Variants in LRP2 observed in about 807,000 individuals in gnomAD.
LRP2 encodes the protein low-density lipoprotein receptor-related protein 2.
LRP2 carries 172 observed loss-of-function variants against 531.0 expected under a neutral mutation model. That is an observed-to-expected ratio of 0.32 (90% confidence interval 0.29 to 0.37). The LOEUF is 0.37. Among genes scored for constraint, LRP2 ranks in the 10% least tolerant of loss-of-function variants. LRP2 has a pLI of 1.00. For synonymous variants in LRP2, 1,992 were observed against 2,027.6 expected (o/e 0.98, Z 0.47); for missense variants, 5,167 against 5,868.3 (o/e 0.88, Z 3.90).
intron 75 of LRP2, among the ~76,000 whole-genome samples, 156 bp from the exon 76 acceptor site, chr2:169,137,649 CAAAAAAA>C (rs1160173051): frequency 1.1e-4 from 5 of 45,490 alleles, no homozygotes; most frequent in Non-Finnish European, 1.6e-4. Context: ...AGAGAACTTG[CAAAAAAA>C]AAAAAAAAAA....
chr2:169,247,605 T>G, intron 19 of LRP2, 90 bp from the exon 20 acceptor site: 1 of 1,380,598 alleles, frequency 7.2e-7, no homozygotes, highest in Non-Finnish European at 1.0e-6. Context: ...TTGAAATGCT[T>G]CTTGCAAGTA....
At chr2:169,205,998 T>C in intron 40 of LRP2, 25 bp downstream of exon 40, 1 of 1,614,094 alleles carries the variant, frequency 6.2e-7, no homozygotes, top group Non-Finnish European at 8.5e-7. Flanking sequence ...CAGACAGAAA[T>C]ATAACAAGGA....
chr2:169,139,505 T>A, intron 73 of LRP2, 38 bp downstream of exon 73: 2 of 1,611,794 alleles, frequency 1.2e-6, no homozygotes, highest in Non-Finnish European at 1.7e-6. Flanking sequence ...GTAGGGGCCA[T>A]GAGTAATTTC....
intron 1 of LRP2, among the ~76,000 whole-genome samples, chr2:169,338,988 G>A (rs1685493538): frequency 6.6e-6 from 1 of 152,104 alleles, no homozygotes; most frequent in African/African-American, 2.4e-5. Context: ...GTAGAGTGAG[G>A]ATTATGGGTC....
chr2:169,145,061 ATGTCT>A (rs1336557132), intron 70 of LRP2, among the ~76,000 whole-genome samples: 2 of 152,358 alleles, frequency 1.3e-5, no homozygotes, highest in East Asian at 3.9e-4. Flanking sequence ...TGAGAATAAA[ATGTCT>A]TTATAAGGTT....
Position 169,151,173 on chromosome 2 carries a change from G to A in LRP2, c.12462-147C>T, listed in dbSNP as rs17848195. ...CAGACCATAGTCCCCCTCTCTTGGG[G>A]GAACTACAGCCAAGGGGACATGTTT... is the stretch of plus-strand genomic sequence containing the variant. On this transcript the variant is annotated intron_variant, in intron 67 of 78. Transcript: ENST00000649046. 0.034 allele frequency: 29,136 copies of A among 868,730 alleles called. 1,465 individuals are homozygous for A. The highest frequency in any genetic ancestry group is 0.19 in the African/African-American group (11,251 of 60,446). 53.8% of individuals were successfully genotyped at this position (868,730 alleles called of 1,614,324 possible). A position where few individuals can be genotyped will look rare whatever the true frequency, so the allele number is the denominator to read the frequency against.
At chr2:169,331,582 A>G (rs2105539404) in intron 1 of LRP2, among the ~76,000 whole-genome samples, 1 of 152,304 alleles carries the variant, frequency 6.6e-6, no homozygotes, top group South Asian at 2.1e-4. Context: ...CCCACTAGAG[A>G]CTAACTGGTT....
In LRP2 at chr2:169,256,091, T is replaced by C. The variant is rs780616395; in HGVS notation, c.2770+15A>G. The C allele has an allele frequency of 1.2e-6, 2 of 1,612,258 alleles. No homozygotes were observed. The highest frequency in any genetic ancestry group is 1.7e-6 in the Non-Finnish European group (2 of 1,178,680). On this transcript the variant is annotated intron_variant, in intron 19 of 78. Coordinates refer to ENST00000649046, the MANE Select transcript of LRP2 (RefSeq NM_004525.3). ...GTATAAAAACAATACATACTTTTAT[T>C]GCTTTAAAACATACCTCCAAAGATG...
chr2:169,336,745 T>G (rs556437884), intron 1 of LRP2, among the ~76,000 whole-genome samples: 1 of 152,188 alleles, frequency 6.6e-6, no homozygotes, highest in Non-Finnish European at 1.5e-5. Context: ...CTTTGTATTC[T>G]TAAGGCAGAA....
chr2:169,309,392 A>G (rs1283211232), intron 3 of LRP2, among the ~76,000 whole-genome samples: 1 of 152,270 alleles, frequency 6.6e-6, no homozygotes, highest in African/African-American at 2.4e-5. Context: ...TCTTGAATTA[A>G]TTTTTGTATA....
At chr2:169,223,752 A>G (rs899731176) in intron 33 of LRP2, among the ~76,000 whole-genome samples, 1 of 152,196 alleles carries the variant, frequency 6.6e-6, no homozygotes, top group African/African-American at 2.4e-5. Context: ...TTTGAACCAG[A>G]GGAGCCTCCA....
At chr2:169,175,101 A>T in intron 55 of LRP2, 92 bp downstream of exon 55, 1 of 1,258,530 alleles carries the variant, frequency 7.9e-7, no homozygotes, top group Non-Finnish European at 1.2e-6. Context: ...ACTGGTTTTT[A>T]GTTCATGATA....
chr2:169,214,286 A>G (rs1688701901), intron 35 of LRP2, among the ~76,000 whole-genome samples: 1 of 152,180 alleles, frequency 6.6e-6, no homozygotes, highest in Non-Finnish European at 1.5e-5. Context: ...TATGCCCCCA[A>G]ACAACCACAG....
At chr2:169,357,062 T>A (rs1249801635) in intron 1 of LRP2, among the ~76,000 whole-genome samples, 1 of 152,104 alleles carries the variant, frequency 6.6e-6, no homozygotes, top group East Asian at 1.9e-4. Flanking sequence ...TAAAAATTTT[T>A]AATTACTCAA....
intron 1 of LRP2, among the ~76,000 whole-genome samples, chr2:169,353,671 T>G (rs1015524807): frequency 1.3e-5 from 2 of 152,172 alleles, no homozygotes; most frequent in Non-Finnish European, 2.9e-5. Context: ...CATTCTTAAA[T>G]TCAACTTTAA....
At chr2:169,161,912 A>G (rs1158418185) in intron 63 of LRP2, among the ~76,000 whole-genome samples, 1 of 152,182 alleles carries the variant, frequency 6.6e-6, no homozygotes, top group Non-Finnish European at 1.5e-5. Context: ...TCATGTATAT[A>G]CTTTAAGTTC....
chr2:169,324,498 T>C (rs1040205191), intron 1 of LRP2, among the ~76,000 whole-genome samples: 2 of 152,138 alleles, frequency 1.3e-5, no homozygotes, highest in African/African-American at 4.8e-5. Flanking sequence ...AAAAAATTAT[T>C]GGGCTTAGGA....
chr2:169,308,866 A>G (rs972140496), intron 3 of LRP2, among the ~76,000 whole-genome samples: 2 of 152,154 alleles, frequency 1.3e-5, no homozygotes, highest in African/African-American at 4.8e-5. Context: ...CTATTTCTCC[A>G]CATCCTCTCC....
At chr2:169,349,497 G>C (rs924201348) in intron 1 of LRP2, among the ~76,000 whole-genome samples, 1 of 152,174 alleles carries the variant, frequency 6.6e-6, no homozygotes, top group Non-Finnish European at 1.5e-5. Context: ...GTAGATCATA[G>C]TAAGGACTTG....
Sources: allele counts gnomAD v4.1 joint callset (sites outside exome capture counted in the v4.1 genomes callset), GRCh38; gene constraint gnomAD v4.1.1; transcripts MANE v1.5; gene names NCBI Gene and HGNC (gene_info 2026-07-23, HGNC 2026-07-21).